Variants in ERICH1 observed in about 807,000 individuals in gnomAD.
ERICH1 encodes glutamate-rich protein 1.
Under a neutral mutation model 39.6 loss-of-function variants are expected in ERICH1, and 56 were observed. The observed-to-expected ratio is 1.41, with a 90% CI of 1.14 to 1.77. The LOEUF is 1.77. Among genes scored for constraint, ERICH1 ranks in the 40% most tolerant of loss-of-function variants. ERICH1 has a pLI of 0.00. For missense variants in ERICH1, 826 were observed against 575.4 expected, an observed-to-expected ratio of 1.44 and a Z score of -4.45; for synonymous variants, 313 against 223.6, an observed-to-expected ratio of 1.40 and a Z score of -3.57.
chr8:701,811 G>A (rs572365587), intron 2 of ERICH1, among the ~76,000 whole-genome samples: 8 of 152,130 alleles, frequency 5.3e-5, no homozygotes, highest in African/African-American at 1.7e-4. Context: ...TGAAAAGGCA[G>A]CCAGGCGCGG....
downstream of ERICH1, among the ~76,000 whole-genome samples, chr8:663,196 C>T (rs550445559): frequency 1.1e-4 from 16 of 152,336 alleles, no homozygotes; most frequent in Non-Finnish European, 1.6e-4. Flanking sequence ...CTCTTAGGGA[C>T]CTGGAGGGAA....
intron 3 of ERICH1, among the ~76,000 whole-genome samples, chr8:624,086 T>G (rs983775115): frequency 1.3e-5 from 2 of 152,122 alleles, no homozygotes; most frequent in African/African-American, 4.8e-5. Flanking sequence ...AGTGAAGGAT[T>G]TGAATAGACA....
intron 3 of ERICH1, among the ~76,000 whole-genome samples, chr8:617,187 C>T (rs551191191): frequency 2.0e-5 from 3 of 152,068 alleles, no homozygotes; most frequent in Non-Finnish European, 4.4e-5. Flanking sequence ...GGGGACCACA[C>T]GATTCCAAGA....
intron 2 of ERICH1, among the ~76,000 whole-genome samples, chr8:710,690 T>C (rs902485343): frequency 2.6e-5 from 4 of 152,256 alleles, no homozygotes; most frequent in South Asian, 2.1e-4. Flanking sequence ...CATCATGTCT[T>C]TTCATGGCTT....
chr8:632,990 G>A (rs1798140746), intron 3 of ERICH1, among the ~76,000 whole-genome samples: 1 of 152,234 alleles, frequency 6.6e-6, no homozygotes, highest in Non-Finnish European at 1.5e-5. Context: ...ATGCCGAGAC[G>A]CAGGGAGGGA....
intron 2 of ERICH1, among the ~76,000 whole-genome samples, chr8:698,501 G>C (rs1810900536): frequency 6.6e-6 from 1 of 152,152 alleles, no homozygotes; most frequent in African/African-American, 2.4e-5. Context: ...TTACAGGTGA[G>C]AGCCACCGTG....
intron 3 of ERICH1, among the ~76,000 whole-genome samples, chr8:634,445 C>T (rs1191387904): frequency 6.6e-6 from 1 of 152,232 alleles, no homozygotes; most frequent in African/African-American, 2.4e-5. Context: ...ATTGCCACAG[C>T]ATCCAGCAAT....
intron 2 of ERICH1, among the ~76,000 whole-genome samples, chr8:703,888 G>A (rs1411987628): frequency 6.6e-6 from 1 of 152,208 alleles, no homozygotes; most frequent in Non-Finnish European, 1.5e-5. Flanking sequence ...AAACAAGAGA[G>A]TGGCACATGT....
At chr8:706,719 A>C (rs1247871496) in intron 2 of ERICH1, among the ~76,000 whole-genome samples, 2 of 152,182 alleles carry the variant, frequency 1.3e-5, no homozygotes, top group Non-Finnish European at 2.9e-5. Context: ...GTGGTGAGCC[A>C]AGATCATGCC....
chr8:678,457 T>G (rs543052989), intron 3 of ERICH1, among the ~76,000 whole-genome samples: 1 of 152,256 alleles, frequency 6.6e-6, no homozygotes, highest in East Asian at 1.9e-4. Context: ...ATCACAATAT[T>G]CCTGCATCTG....
intron 3 of ERICH1, among the ~76,000 whole-genome samples, chr8:681,124 T>C (rs1011105859): frequency 8.5e-5 from 13 of 152,198 alleles, no homozygotes; most frequent in Non-Finnish European, 1.3e-4. Context: ...CCGCACCAGC[T>C]TGTGGCCTCT....
At chr8:704,201 A>G (rs1444474816) in intron 2 of ERICH1, among the ~76,000 whole-genome samples, 1 of 152,142 alleles carries the variant, frequency 6.6e-6, no homozygotes, top group Non-Finnish European at 1.5e-5. Context: ...CCCAAAAACC[A>G]TTTTTCAGGA....
intron 2 of ERICH1, among the ~76,000 whole-genome samples, chr8:701,608 C>G (rs1812166815): frequency 6.6e-6 from 1 of 152,198 alleles, no homozygotes. Context: ...CCACCTCACA[C>G]CAGACAACAA....
chr8:698,900 T>A (rs1208437822), intron 2 of ERICH1, among the ~76,000 whole-genome samples: 1 of 1,758 alleles, frequency 5.7e-4, no homozygotes, highest in African/African-American at 1.4e-3. Context: ...TCTCTGTGAG[T>A]TTTTTTTTTT....
intron 3 of ERICH1, among the ~76,000 whole-genome samples, chr8:631,076 T>C (rs886606780): frequency 4.6e-5 from 7 of 151,520 alleles, no homozygotes; most frequent in Admixed American, 4.6e-4. Context: ...ACTCATACCC[T>C]CCCATGAGCA....
chr8:709,620 C>T (rs547154955), intron 2 of ERICH1, among the ~76,000 whole-genome samples: 71 of 152,312 alleles, frequency 4.7e-4, no homozygotes, highest in African/African-American at 1.4e-3. Flanking sequence ...GCCACTGAAA[C>T]GAAGTGGCTG....
intron 2 of ERICH1, among the ~76,000 whole-genome samples, chr8:696,200 T>C (rs1181141646): frequency 2.8e-5 from 1 of 35,470 alleles, no homozygotes. Flanking sequence ...CTCCTCTCCT[T>C]CCTCCCCATC....
intron 3 of ERICH1, among the ~76,000 whole-genome samples, chr8:688,191 C>A (rs973082486): frequency 6.7e-6 from 1 of 149,968 alleles, no homozygotes; most frequent in Non-Finnish European, 1.5e-5. Flanking sequence ...GCGCAGGACA[C>A]GGCAAGGCCC....
At chr8:664,171 A>G (rs1801842499), downstream of ERICH1, 10 of 884,722 alleles carry the variant, frequency 1.1e-5, no homozygotes, top group Non-Finnish European at 1.4e-5. Flanking sequence ...AAAGTAGAGA[A>G]GAGAAAAAAA....
Sources: allele counts gnomAD v4.1 joint callset (sites outside exome capture counted in the v4.1 genomes callset), GRCh38; gene constraint gnomAD v4.1.1; transcripts MANE v1.5; gene names NCBI Gene and HGNC (gene_info 2026-07-23, HGNC 2026-07-21).